Variants in COL20A1 observed in about 807,000 individuals in gnomAD.
COL20A1 encodes collagen alpha-1(XX) chain.
A neutral mutation model predicts 152.9 loss-of-function variants in COL20A1; 164 were observed. That is an observed-to-expected ratio of 1.07 (90% CI 0.94 to 1.22). The LOEUF (loss-of-function observed/expected upper bound fraction) is 1.22. Ranked by LOEUF, COL20A1 falls within the 50% of genes most tolerant of loss-of-function variation. The pLI, the probability that COL20A1 is intolerant of heterozygous loss-of-function variation, is 0.00. For synonymous variants in COL20A1, 864 were observed against 756.0 expected, an observed-to-expected ratio of 1.14 and a Z score of -2.34; for missense variants, 1,873 against 1,744.8, an observed-to-expected ratio of 1.07 and a Z score of -1.31.
In COL20A1 at chr20:63,320,364, C is replaced by T; in HGVS notation, c.3149C>T (p.Ala1050Val). The T allele has an allele frequency of 6.2e-7, 1 of 1,611,002 alleles. No homozygotes were observed. The highest frequency in any genetic ancestry group is 8.5e-7 in the Non-Finnish European group (1 of 1,179,766). The change falls in exon 25 of 36, where the codon GCC (alanine) becomes GTC (valine). Residue 1050 changes from alanine to valine, a missense_variant. Coordinates refer to ENST00000358894, the MANE Select transcript of COL20A1 (RefSeq NM_020882.4). ...GAGGACCGGTGCTGTGAGCTCCCTGCCTCGGTGTGCCCCGTCCCTTGCCCC... is the reference window on the plus strand; with the variant it reads ...GAGGACCGGTGCTGTGAGCTCCCTGTCTCGGTGTGCCCCGTCCCTTGCCCC... Reference protein sequence around the residue: ...ADEDRCCELPASRDGETCPAF... With the variant: ...ADEDRCCELPVSRDGETCPAF...
chr20:63,329,753 G>C, intron 35 of COL20A1, 92 bp downstream of exon 35: 1 of 889,338 alleles, frequency 1.1e-6, no homozygotes, highest in Non-Finnish European at 1.7e-6. Context: ...GCCTCATGCT[G>C]TCCAGGGTGG....
chr20:63,312,082 G>A (rs755586880), intron 14 of COL20A1, 27 bp downstream of exon 14: 39 of 1,527,244 alleles, frequency 2.6e-5, no homozygotes, highest in South Asian at 7.6e-5. Flanking sequence ...CCGGGGGCCC[G>A]AGTGTCTTGA....
intron 11 of COL20A1, among the ~76,000 whole-genome samples, chr20:63,310,785 C>G (rs555369932): frequency 4.6e-5 from 7 of 152,204 alleles, no homozygotes; most frequent in African/African-American, 1.7e-4. Context: ...GTTCATGGAG[C>G]TCCCCCCTGC....
At chr20:63,307,413 C>A (rs1162775276) in intron 5 of COL20A1, 77 bp from the exon 6 acceptor site, 2 of 1,394,550 alleles carry the variant, frequency 1.4e-6, no homozygotes, top group Non-Finnish European at 2.0e-6. Context: ...GTGGCTGGAG[C>A]CCCGGGGTAG....
chr20:63,300,825 A>G (rs2067854768), intron 3 of COL20A1, among the ~76,000 whole-genome samples: 1 of 152,200 alleles, frequency 6.6e-6, no homozygotes, highest in African/African-American at 2.4e-5. Flanking sequence ...CTGCATTTTG[A>G]TATGTAGAAT....
intron 2 of COL20A1, among the ~76,000 whole-genome samples, chr20:63,297,316 CAGCTCAGGGGACTT>C (rs1304985999): frequency 1.3e-5 from 2 of 151,074 alleles, no homozygotes; most frequent in Admixed American, 1.3e-4. Context: ...CCAGGGGCCC[CAGCTCAGGGGACTT>C]AGCTCAGGGG....
intron 14 of COL20A1, 70 bp downstream of exon 14, chr20:63,312,125 G>A (rs1395213833): frequency 2.0e-6 from 3 of 1,465,108 alleles, no homozygotes; most frequent in African/African-American, 2.8e-5. Flanking sequence ...CAGGCATGGG[G>A]TGGAGCCAAC....
chr20:63,313,846 C>G lies in COL20A1; in HGVS notation c.2313C>G (p.Tyr771Ter), dbSNP rs776872914. 6.2e-7 allele frequency: 1 copy of G among 1,610,996 alleles called. No homozygotes were observed. The highest frequency in any genetic ancestry group is 1.3e-5 in the African/African-American group (1 of 75,018). The part of the protein sequence containing the change: ...WTPPLGRVLH[Y>*]WLTYAPASGL... ...CCCCGCTTGGCCGCGTGCTCCATTA[C>G]TGGCTCACCTACGCCCCCGCCTCTG... The change falls in exon 18 of 36, where the codon TAC (tyrosine) becomes TAG (stop). Residue 771 changes from tyrosine (Y) to a stop codon, truncating the protein, a stop_gained. Coordinates refer to ENST00000358894, the MANE Select transcript of COL20A1 (RefSeq NM_020882.4). LOFTEE classifies it high-confidence loss of function. This position sits in a 1 kb window ranked among gnomAD's most constrained non-coding sequence, Gnocchi z 5.9.
intron 3 of COL20A1, among the ~76,000 whole-genome samples, chr20:63,300,216 A>G (rs1397532907): frequency 6.6e-6 from 1 of 152,200 alleles, no homozygotes; most frequent in East Asian, 1.9e-4. Context: ...TCAGCTTTAT[A>G]CCTCATAAGA....
intron 3 of COL20A1, among the ~76,000 whole-genome samples, chr20:63,302,092 G>A (rs538309756): frequency 2.0e-5 from 3 of 152,176 alleles, no homozygotes; most frequent in Non-Finnish European, 2.9e-5. Context: ...TTATCAGCGT[G>A]CGGCCAATAT....
At chr20:63,326,920 T>C in intron 31 of COL20A1, 97 bp downstream of exon 31, 1 of 809,214 alleles carries the variant, frequency 1.2e-6, no homozygotes, top group Non-Finnish European at 1.8e-6. Context: ...TACTGACAGC[T>C]CAGGGACTTC....
At position 63,319,111 on chromosome 20, in the gene COL20A1, G is replaced by GC; in HGVS notation, c.2719dup (p.Leu907ProfsTer8). The GC allele has an allele frequency of 6.2e-7, 1 of 1,612,654 alleles. No homozygotes were observed. The highest frequency in any genetic ancestry group is 8.5e-7 in the Non-Finnish European group (1 of 1,179,460). Reference sequence around the variant, plus strand: ...GAGCACACCATCGTCTTCCTTGTGCGCCTACTTCCCGAGACACCCCGTGAG... The same window carrying GC: ...GAGCACACCATCGTCTTCCTTGTGCGCCCTACTTCCCGAGACACCCCGTGAG... On this transcript the variant is annotated frameshift_variant, in exon 22 of 36. Coordinates refer to ENST00000358894, the MANE Select transcript of COL20A1 (RefSeq NM_020882.4). LOFTEE classifies it high-confidence loss of function. This position sits in a 1 kb window ranked among gnomAD's most constrained non-coding sequence, Gnocchi z 4.4.
At chr20:63,327,825 G>A in intron 31 of COL20A1, 127 bp from the exon 32 acceptor site, 1 of 948,638 alleles carries the variant, frequency 1.1e-6, no homozygotes, top group Admixed American at 2.1e-5. Flanking sequence ...TTGGGATGGG[G>A]CTTTCACACC....
In COL20A1 at chr20:63,313,060, C is replaced by A; in HGVS notation, c.2077-57C>A. On this transcript the variant is annotated intron_variant, in intron 16 of 35. Coordinates refer to ENST00000358894, the MANE Select transcript of COL20A1 (RefSeq NM_020882.4). This position sits in a 1 kb window ranked among gnomAD's most constrained non-coding sequence, Gnocchi z 5.9. ...TCCCAGGGATGCCTCACTGCCCGGC[C>A]CCCCAACCTGAGGACCCCACTGCAC... 1 of 1,568,608 alleles carries A rather than the reference C, an allele frequency of 6.4e-7. No homozygotes were observed. The highest frequency in any genetic ancestry group is 8.6e-7 in the Non-Finnish European group (1 of 1,156,336).
Position 63,313,972 on chromosome 20 carries a change from G to A in COL20A1, c.2358+81G>A. On this transcript the variant is annotated intron_variant, in intron 18 of 35. Transcript: ENST00000358894. This position sits in a 1 kb window ranked among gnomAD's most constrained non-coding sequence, Gnocchi z 5.9. ...TATGGCCACACTGTCTGCGAAGGGTGGCAGCTCTGCCATGGCGGGACGCAG... is the reference window on the plus strand; with the variant it reads ...TATGGCCACACTGTCTGCGAAGGGTAGCAGCTCTGCCATGGCGGGACGCAG... 6.3e-7 allele frequency: 1 copy of A among 1,595,146 alleles called. No individual in the cohort carries two copies. Among genetic ancestry groups the A allele is most frequent in the Non-Finnish European group, 8.5e-7 (1 of 1,170,474 alleles).
rs1375284064 is a variant in COL20A1, at chr20:63,309,821, C to T, written c.1169C>T (p.Ser390Phe). The T allele has an allele frequency of 6.2e-7, 1 of 1,610,064 alleles. No homozygotes were observed. The highest frequency in any genetic ancestry group is 8.5e-7 in the Non-Finnish European group (1 of 1,178,588). The change falls in exon 10 of 36, where the codon TCC becomes TTC. Residue 390 changes from serine (S) to phenylalanine (F), a missense_variant. Coordinates refer to ENST00000358894, the MANE Select transcript of COL20A1 (RefSeq NM_020882.4). Reference sequence around the variant, plus strand: ...AGCCTGGTCCTGAGCCAGGTGACCTCCTCCAGCATCCGCCTGTCCTGGACT... The same window carrying T: ...AGCCTGGTCCTGAGCCAGGTGACCTTCTCCAGCATCCGCCTGTCCTGGACT... ...PTSLVLSQVT[S>F]SSIRLSWTPA...
At chr20:63,328,280 T>C in intron 33 of COL20A1, 51 bp from the exon 34 acceptor site, 1 of 1,573,310 alleles carries the variant, frequency 6.4e-7, no homozygotes, top group South Asian at 1.1e-5. Flanking sequence ...TGCACAGGCC[T>C]CGCATCCCCG....
intron 5 of COL20A1, 70 bp from the exon 6 acceptor site, chr20:63,307,420 G>T (rs1250589746): frequency 3.0e-5 from 43 of 1,445,298 alleles, no homozygotes; most frequent in Non-Finnish European, 3.7e-5. Flanking sequence ...GAGCCCCGGG[G>T]TAGGTGATCT....
intron 6 of COL20A1, 68 bp downstream of exon 6, chr20:63,307,716 C>T (rs1369890271): frequency 5.2e-6 from 8 of 1,534,224 alleles, no homozygotes; most frequent in African/African-American, 1.4e-5. Flanking sequence ...CCAGAGGAGG[C>T]TGTGACCTGT....
Sources: allele counts gnomAD v4.1 joint callset (sites outside exome capture counted in the v4.1 genomes callset), GRCh38; gene constraint gnomAD v4.1.1; non-coding constraint Gnocchi (gnomAD v3.1); transcripts MANE v1.5; gene names NCBI Gene and HGNC (gene_info 2026-07-23, HGNC 2026-07-21).